SDCCAG8: variants seen among roughly 807,000 people sequenced by gnomAD.
SDCCAG8 encodes the protein serologically defined colon cancer antigen 8.
A neutral mutation model predicts 101.8 loss-of-function variants in SDCCAG8; 74 were observed. That is an observed-to-expected ratio of 0.73 (90% confidence interval 0.60 to 0.88). The LOEUF (loss-of-function observed/expected upper bound fraction) is 0.88, where lower values mean the gene tolerates loss of function less well. Ranked by LOEUF, SDCCAG8 falls within the 40% of genes least tolerant of loss-of-function variation. The probability of loss-of-function intolerance (pLI) is 0.00; values close to 1 mark genes in which losing one functional copy is unlikely to be tolerated. For missense variants in SDCCAG8, 787 were observed against 822.6 expected, an observed-to-expected ratio of 0.96 and a Z score of 0.53; for synonymous variants, 281 against 292.9, an observed-to-expected ratio of 0.96 and a Z score of 0.41.
In SDCCAG8 at chr1:243,378,834, C is replaced by T. The variant is rs144194469; in HGVS notation, c.1587C>T (p.Gly529=). ...GCCTGAGACTAACAGAACTGCTGGG[C>T]GAATCTGAGCACCAACTGCACCTCA... ...EECLRLTELL[G]ESEHQLHLTR... is the part of the protein sequence containing the mutation. The change falls in exon 13 of 18, where the codon GGC becomes GGT. Residue 529 remains glycine, a synonymous_variant. Coordinates refer to ENST00000366541, the MANE Select transcript of SDCCAG8 (RefSeq NM_006642.5). 81 of 1,613,906 alleles carry T rather than the reference C, an allele frequency of 5.0e-5. No individual in the cohort carries two copies. In the East Asian group the frequency reaches 1.3e-3, roughly 25 times the overall value.
intron 7 of SDCCAG8, chr1:243,306,555 C>T (rs1333146863): frequency 6.6e-6 from 1 of 152,040 alleles, no homozygotes; most frequent in Non-Finnish European, 1.5e-5. Flanking sequence ...TTTCAACTTT[C>T]TTTTTAACTT....
intron 16 of SDCCAG8, among the ~76,000 whole-genome samples, chr1:243,463,407 G>A (rs1178461709): frequency 6.6e-6 from 1 of 152,114 alleles, no homozygotes; most frequent in Non-Finnish European, 1.5e-5. Flanking sequence ...TTAGACTTAA[G>A]ACCCAAAATG....
intron 4 of SDCCAG8, 146 bp from the exon 5 acceptor site, chr1:243,286,126 G>A (rs1052480414): frequency 1.4e-5 from 12 of 847,806 alleles, no homozygotes; most frequent in Non-Finnish European, 2.1e-5. Flanking sequence ...ATGTTAGGCT[G>A]CCTTGTTTGT....
intron 1 of SDCCAG8, among the ~76,000 whole-genome samples, chr1:243,263,378 G>T (rs1050922165): frequency 6.6e-6 from 1 of 152,186 alleles, no homozygotes; most frequent in African/African-American, 2.4e-5. Flanking sequence ...GAGAAATCAC[G>T]ATCTAGAAGT....
intron 12 of SDCCAG8, among the ~76,000 whole-genome samples, chr1:243,352,887 C>T (rs974457251): frequency 6.6e-6 from 1 of 151,930 alleles, no homozygotes; most frequent in Non-Finnish European, 1.5e-5. Flanking sequence ...GCTCCTTATT[C>T]TTCATAGTGA....
intron 13 of SDCCAG8, among the ~76,000 whole-genome samples, chr1:243,408,021 A>G (rs2079902736): frequency 6.6e-6 from 1 of 152,204 alleles, no homozygotes; most frequent in Non-Finnish European, 1.5e-5. Flanking sequence ...CATGCTGTCT[A>G]CCAATTTTAT....
chr1:243,359,300 T>C (rs1469643131), intron 12 of SDCCAG8, among the ~76,000 whole-genome samples: 5 of 152,244 alleles, frequency 3.3e-5, no homozygotes, highest in African/African-American at 1.2e-4. Context: ...GGCTGTGCAC[T>C]GCACAATTCC....
chr1:243,361,057 C>T (rs1457187167), intron 12 of SDCCAG8, among the ~76,000 whole-genome samples: 1 of 152,082 alleles, frequency 6.6e-6, no homozygotes, highest in East Asian at 1.9e-4. Context: ...TCAGCTTGTC[C>T]GAGCTCTCTT....
chr1:243,296,909 A>G (rs911569987), intron 6 of SDCCAG8, among the ~76,000 whole-genome samples: 1 of 152,124 alleles, frequency 6.6e-6, no homozygotes, highest in Non-Finnish European at 1.5e-5. Context: ...GCAGCTTTGT[A>G]TAACATGTAC....
intron 12 of SDCCAG8, among the ~76,000 whole-genome samples, chr1:243,364,430 C>G (rs917629723): frequency 6.6e-6 from 1 of 152,142 alleles, no homozygotes; most frequent in African/African-American, 2.4e-5. Flanking sequence ...CTGCTACTCT[C>G]CTTAGGATTT....
At position 243,346,300 on chromosome 1, in the gene SDCCAG8, G is replaced by A. The variant is rs1446472017; in HGVS notation, c.1473+1969G>A. 1.9e-5 allele frequency: 3 copies of A among 154,334 alleles called. No homozygotes were observed. The Admixed American group carries it at 2.0e-4, about 10-fold the overall frequency. 9.6% of individuals were successfully genotyped at this position (154,334 alleles called of 1,614,324 possible). A position where few individuals can be genotyped will look rare whatever the true frequency, so the allele number is the denominator to read the frequency against. On this transcript the variant is annotated intron_variant, in intron 12 of 17. Coordinates refer to ENST00000366541, the MANE Select transcript of SDCCAG8 (RefSeq NM_006642.5). ...AGAAATTTACATTTAACTTTTAAAA[G>A]CGGGGCATGTTGAGCATTTATCTGA...
chr1:243,404,844 C>A (rs1457996234), intron 13 of SDCCAG8, among the ~76,000 whole-genome samples: 1 of 151,556 alleles, frequency 6.6e-6, no homozygotes, highest in Non-Finnish European at 1.5e-5. Context: ...TCCCCACTTA[C>A]TCAAACTTAG....
intron 16 of SDCCAG8, among the ~76,000 whole-genome samples, chr1:243,462,168 G>T (rs1659246060): frequency 6.6e-6 from 1 of 152,156 alleles, no homozygotes; most frequent in African/African-American, 2.4e-5. Flanking sequence ...CCAGGCCGAG[G>T]ATTGAGCCCA....
intron 13 of SDCCAG8, among the ~76,000 whole-genome samples, chr1:243,413,429 C>T (rs1229907156): frequency 5.9e-5 from 9 of 152,176 alleles, no homozygotes; most frequent in Admixed American, 5.9e-4. Context: ...TGATCTCTAA[C>T]TCCTGGCCTT....
intron 12 of SDCCAG8, among the ~76,000 whole-genome samples, chr1:243,349,735 T>A (rs1398836004): frequency 1.3e-5 from 2 of 152,120 alleles, no homozygotes; most frequent in East Asian, 3.8e-4. Flanking sequence ...TGGATGGGAG[T>A]GTAAATACCG....
chr1:243,263,463 T>C (rs2067342150), intron 1 of SDCCAG8, among the ~76,000 whole-genome samples: 1 of 152,220 alleles, frequency 6.6e-6, no homozygotes, highest in African/African-American at 2.4e-5. Flanking sequence ...ATACAGATTG[T>C]ATTTGCTGGT....
chr1:243,495,380 A>C (rs1474624020), intron 17 of SDCCAG8, among the ~76,000 whole-genome samples: 5 of 152,144 alleles, frequency 3.3e-5, no homozygotes, highest in Admixed American at 3.3e-4. Flanking sequence ...CCTTTCTCGG[A>C]GCCCAGAAGC....
chr1:243,357,216 A>G (rs2076434949), intron 12 of SDCCAG8, among the ~76,000 whole-genome samples: 1 of 152,070 alleles, frequency 6.6e-6, no homozygotes, highest in African/African-American at 2.4e-5. Context: ...CATCTCTACT[A>G]AAAATACACA....
At chr1:243,488,611 G>A (rs902653885) in intron 16 of SDCCAG8, among the ~76,000 whole-genome samples, 2 of 152,138 alleles carry the variant, frequency 1.3e-5, no homozygotes, top group African/African-American at 4.8e-5. Flanking sequence ...TTACTTCAGT[G>A]TTTCCACGGC....
Sources: allele counts gnomAD v4.1 joint callset (sites outside exome capture counted in the v4.1 genomes callset), GRCh38; gene constraint gnomAD v4.1.1; transcripts MANE v1.5; gene names NCBI Gene and HGNC (gene_info 2026-07-23, HGNC 2026-07-21).